The following RIMS2 variants were observed in gnomAD, a reference collection of about 807,000 sequenced individuals.
The protein encoded by RIMS2 is regulating synaptic membrane exocytosis 2.
A neutral mutation model predicts 174.4 loss-of-function variants in RIMS2; 59 were observed. The ratio of observed to expected loss-of-function variants is 0.34; its 90% CI spans 0.27 to 0.42. The LOEUF (loss-of-function observed/expected upper bound fraction) is 0.42. RIMS2 is among the 10% of genes least tolerant of loss of function. The pLI is 1.00. For missense variants in RIMS2, 1,620 were observed against 1,666.3 expected (o/e 0.97, Z 0.48); for synonymous variants, 606 against 572.5 (o/e 1.06, Z -0.84).
intron 19 of RIMS2, among the ~76,000 whole-genome samples, chr8:104,092,843 AATTTACCAGAAT>A (rs2097686936): frequency 6.6e-6 from 1 of 151,962 alleles, no homozygotes; most frequent in Non-Finnish European, 1.5e-5. Flanking sequence ...GATGGTTTTT[AATTTACCAGAAT>A]ATTTGAACAC....
At chr8:104,228,934 C>T (rs2099207215) in intron 19 of RIMS2, among the ~76,000 whole-genome samples, 1 of 152,164 alleles carries the variant, frequency 6.6e-6, no homozygotes. Context: ...AATTGAGTAA[C>T]AGTTCCACTC....
intron 19 of RIMS2, among the ~76,000 whole-genome samples, chr8:104,176,143 T>C (rs1025201721): frequency 6.6e-6 from 1 of 152,164 alleles, no homozygotes; most frequent in African/African-American, 2.4e-5. Flanking sequence ...CTAACTTGCT[T>C]ATACCTGTGC....
intron 1 of RIMS2, among the ~76,000 whole-genome samples, chr8:103,520,592 T>C (rs1831183202): frequency 6.6e-6 from 1 of 152,170 alleles, no homozygotes; most frequent in Non-Finnish European, 1.5e-5. Context: ...ACAATTATAA[T>C]TTTAAAGTAT....
intron 17 of RIMS2, among the ~76,000 whole-genome samples, chr8:103,991,012 G>C (rs1262137000): frequency 6.6e-6 from 1 of 151,830 alleles, no homozygotes; most frequent in Admixed American, 6.6e-5. Context: ...TTAAAGCCTA[G>C]ATGATTAATC....
At chr8:103,872,171 T>C (rs900049676) in intron 3 of RIMS2, among the ~76,000 whole-genome samples, 11 of 152,194 alleles carry the variant, frequency 7.2e-5, no homozygotes, top group East Asian at 3.9e-4. Flanking sequence ...GAACACAGAA[T>C]TGGGAGGAGA....
chr8:103,668,728 T>C (rs2096707653), intron 1 of RIMS2, among the ~76,000 whole-genome samples: 1 of 151,996 alleles, frequency 6.6e-6, no homozygotes, highest in Non-Finnish European at 1.5e-5. Context: ...TCACCTAGGC[T>C]GGAGTGTGGT....
chr8:103,869,797 T>G (rs775221591), intron 3 of RIMS2, among the ~76,000 whole-genome samples: 14 of 152,190 alleles, frequency 9.2e-5, no homozygotes, highest in Non-Finnish European at 2.1e-4. Context: ...AGTTTGATGC[T>G]GTTAGAAAGT....
At chr8:103,576,012 C>T (rs1380890671) in intron 1 of RIMS2, among the ~76,000 whole-genome samples, 2 of 152,198 alleles carry the variant, frequency 1.3e-5, no homozygotes, top group Admixed American at 6.5e-5. Context: ...AAAAATTATC[C>T]TTGAGGACAA....
intron 1 of RIMS2, among the ~76,000 whole-genome samples, chr8:103,657,423 C>T (rs189416456): frequency 2.0e-4 from 30 of 152,286 alleles, no homozygotes; most frequent in Non-Finnish European, 4.3e-4. Context: ...TCTCACAAGG[C>T]ACTATCCTCT....
At chr8:103,867,113 A>C (rs1490362158) in intron 3 of RIMS2, among the ~76,000 whole-genome samples, 1 of 151,920 alleles carries the variant, frequency 6.6e-6, no homozygotes, top group Non-Finnish European at 1.5e-5. Flanking sequence ...TACTTAACTA[A>C]ACTTTAAAAT....
At chr8:103,910,280 C>G in intron 5 of RIMS2, 41 bp from the exon 8 acceptor site, 1 of 1,419,206 alleles carries the variant, frequency 7.0e-7, no homozygotes, top group Non-Finnish European at 9.7e-7. Context: ...TTGCATGTTT[C>G]TTTTTTGTAT....
chr8:104,159,972 C>G (rs2098751033), intron 19 of RIMS2, among the ~76,000 whole-genome samples: 1 of 152,014 alleles, frequency 6.6e-6, no homozygotes, highest in Admixed American at 6.5e-5. Flanking sequence ...AACCCCGTCT[C>G]TACTAAAAAT....
At chr8:103,713,666 T>A (rs1368212182) in intron 2 of RIMS2, among the ~76,000 whole-genome samples, 1 of 152,228 alleles carries the variant, frequency 6.6e-6, no homozygotes, top group Non-Finnish European at 1.5e-5. Context: ...TTTGGCCTGT[T>A]AATCACATCC....
intron 19 of RIMS2, among the ~76,000 whole-genome samples, chr8:104,212,841 T>C (rs542653454): frequency 6.6e-6 from 1 of 152,328 alleles, no homozygotes; most frequent in South Asian, 2.1e-4. Context: ...AATTTCACTA[T>C]GCTACACAGA....
At chr8:103,840,623 G>A (rs536046679) in intron 3 of RIMS2, among the ~76,000 whole-genome samples, 35 of 151,918 alleles carry the variant, frequency 2.3e-4, no homozygotes, top group African/African-American at 5.3e-4. Flanking sequence ...GATACATTCC[G>A]TTCATATGTT....
intron 19 of RIMS2, among the ~76,000 whole-genome samples, chr8:104,186,223 T>C (rs1230362559): frequency 6.6e-6 from 1 of 151,610 alleles, no homozygotes; most frequent in Non-Finnish European, 1.5e-5. Context: ...TTACAGATAA[T>C]GGAGATTCGG....
In RIMS2 at chr8:103,720,241, A is replaced by G. The variant is rs370975775; in HGVS notation, c.387+22945A>G. Among the ~76,000 whole-genome samples, 16 of 152,354 alleles carry G rather than the reference A, an allele frequency of 1.1e-4. No individual in the cohort carries two copies. The East Asian group carries it at 1.2e-3, about 11-fold the overall frequency. ...CATTATACCTTCATAATTTAAGCACATAGGCCTTCATAACCTGTGTATTCT... is the reference window on the plus strand; with the variant it reads ...CATTATACCTTCATAATTTAAGCACGTAGGCCTTCATAACCTGTGTATTCT... On this transcript the variant is annotated intron_variant, in intron 2 of 23. Transcript: ENST00000504942.
chr8:103,631,683 T>G (rs1381668420), intron 1 of RIMS2, among the ~76,000 whole-genome samples: 1 of 152,210 alleles, frequency 6.6e-6, no homozygotes, highest in Non-Finnish European at 1.5e-5. Context: ...ATTAGTAGTT[T>G]GATAAAAATA....
chr8:103,915,400 G>T, intron 6 of RIMS2, 95 bp from the exon 10 acceptor site: 1 of 579,038 alleles, frequency 1.7e-6, no homozygotes, highest in Non-Finnish European at 3.1e-6. Context: ...AGCGTTTTAG[G>T]TGTTGCAAAT....
Sources: gnomAD v4.1 joint callset for allele counts (sites outside exome capture counted in the v4.1 genomes callset) on GRCh38, gnomAD v4.1.1 for gene constraint, MANE v1.5 for transcripts, NCBI Gene and HGNC (gene_info 2026-07-23, HGNC 2026-07-21) for gene names.